Variants in PTOV1 observed in about 807,000 individuals in gnomAD.
PTOV1 encodes the protein PTOV1 extended AT-hook containing adaptor protein.
Under a neutral mutation model 58.0 loss-of-function variants are expected in PTOV1, and 20 were observed. The observed-to-expected ratio is 0.34, with a 90% CI of 0.24 to 0.50. The LOEUF (loss-of-function observed/expected upper bound fraction) is 0.50, where lower values mean the gene tolerates loss of function less well. Among genes scored for constraint, PTOV1 ranks in the 20% least tolerant of loss-of-function variants. PTOV1 has a pLI of 0.98. For synonymous variants in PTOV1, 335 were observed against 234.2 expected, an observed-to-expected ratio of 1.43 and a Z score of -3.93; for missense variants, 593 against 565.4, an observed-to-expected ratio of 1.05 and a Z score of -0.50.
At chr19:49,857,760 G>A (rs1049167575) in exon 7 of PTOV1, 6 of 1,614,054 alleles carry the variant, frequency 3.7e-6, no homozygotes, top group African/African-American at 1.3e-5. Flanking sequence ...CTGGCATGGA[G>A]TGGTGTCATG....
exon 1 of PTOV1, chr19:49,851,305 C>G: frequency 3.8e-6 from 4 of 1,055,772 alleles, no homozygotes; most frequent in Non-Finnish European, 4.6e-6. Context: ...CGGCAGCTCC[C>G]CGCCCGCTCG....
Position 49,860,190 on chromosome 19 carries a change from T to G in PTOV1, c.1239+7T>G, listed in dbSNP as rs1264282117. ...GGAGCAACAGCAACGAGGGGTGAGGTGGCCGGCCTCCAGGGCTGCTCAGTC... is the reference window on the plus strand; with the variant it reads ...GGAGCAACAGCAACGAGGGGTGAGGGGGCCGGCCTCCAGGGCTGCTCAGTC... On this transcript the variant is annotated splice_region_variant and intron_variant, in intron 11 of 11. Transcript: ENST00000391842. The G allele has an allele frequency of 6.2e-7, 1 of 1,613,772 alleles. No individual in the cohort carries two copies. The highest frequency in any genetic ancestry group is 1.1e-5 in the South Asian group (1 of 91,064).
intron 1 of PTOV1, among the ~76,000 whole-genome samples, chr19:49,853,698 T>C (rs537502746): frequency 6.6e-6 from 1 of 152,296 alleles, no homozygotes; most frequent in African/African-American, 2.4e-5. Flanking sequence ...TGCTAGAACT[T>C]TCTCTTGGTG....
intron 6 of PTOV1, 130 bp downstream of exon 6, chr19:49,857,260 G>T: frequency 3.0e-6 from 4 of 1,318,590 alleles, no homozygotes; most frequent in Non-Finnish European, 4.2e-6. Flanking sequence ...AGGGGAGCCC[G>T]GAGGATGCCG....
At chr19:49,851,272 C>T in exon 1 of PTOV1, 1 of 1,087,148 alleles carries the variant, frequency 9.2e-7, no homozygotes, top group Non-Finnish European at 1.1e-6. Context: ...GTCGGTGGAG[C>T]CCGCAGCCCC....
intron 10 of PTOV1, 107 bp downstream of exon 10, chr19:49,858,760 C>T (rs1039450451): frequency 3.1e-6 from 3 of 963,376 alleles, no homozygotes; most frequent in African/African-American, 3.2e-5. Context: ...TGTCCCAGAC[C>T]AGCTGGGGAG....
In PTOV1 at chr19:49,857,990, C is replaced by CT. The variant is rs749548797; in HGVS notation, c.878+14dup. On this transcript the variant is annotated intron_variant, in intron 8 of 11. Transcript: ENST00000391842. ...AGGGGGAGATCCTGTGAGTGCTGGGCTGGGGGGTGGAGGCAGCATCCAGGG... is the reference window on the plus strand; with the variant it reads ...AGGGGGAGATCCTGTGAGTGCTGGGCTTGGGGGGTGGAGGCAGCATCCAGGG... 1.9e-6 allele frequency: 3 copies of CT among 1,612,794 alleles called. No homozygotes were observed. Among genetic ancestry groups the CT allele is most frequent in the Non-Finnish European group, 1.7e-6 (2 of 1,179,304 alleles).
intron 11 of PTOV1, 34 bp from the exon 12 acceptor site, chr19:49,860,234 C>T (rs376877571): frequency 6.2e-7 from 1 of 1,613,698 alleles, no homozygotes; most frequent in Non-Finnish European, 8.5e-7. Flanking sequence ...CCCCCGCTGC[C>T]TGCTCACCAC....
exon 1 of PTOV1, chr19:49,851,207 T>G (rs2074228901): frequency 8.3e-7 from 1 of 1,198,390 alleles, no homozygotes; most frequent in South Asian, 3.4e-5. Flanking sequence ...CCCCCGAGCT[T>G]GGTACGGCTC....
chr19:49,859,520 T>C (rs921333093), intron 10 of PTOV1, among the ~76,000 whole-genome samples: 3 of 150,980 alleles, frequency 2.0e-5, no homozygotes, highest in Admixed American at 1.3e-4. Context: ...TGCAGTGAGC[T>C]GAGATCATGC....
At chr19:49,858,034 C>CCT in intron 8 of PTOV1, 23 bp from the exon 9 acceptor site, 1 of 1,613,862 alleles carries the variant, frequency 6.2e-7, no homozygotes, top group Non-Finnish European at 8.5e-7. Context: ...GCTTCCTGAC[C>CCT]CTCGTCCCTT....
chr19:49,858,307 T>C (rs2074572712), intron 9 of PTOV1, 193 bp downstream of exon 9: 1 of 793,062 alleles, frequency 1.3e-6, no homozygotes, highest in Non-Finnish European at 2.0e-6. Flanking sequence ...CTGGTGGCTG[T>C]GCAGGGACTG....
rs527333235 is a variant in PTOV1, at chr19:49,860,561, G to A, written c.*282G>A. The A allele has an allele frequency of 2.2e-4, 129 of 578,364 alleles. 1 individual carries two copies. Among genetic ancestry groups the A allele is most frequent in the African/African-American group, 2.0e-3 (108 of 53,660 alleles). 35.8% of individuals were successfully genotyped at this position (578,364 alleles called of 1,614,324 possible). A position where few individuals can be genotyped will look rare whatever the true frequency, so the allele number is the denominator to read the frequency against. On this transcript the variant is annotated 3_prime_UTR_variant, in exon 12 of 12. Transcript: ENST00000391842. The stretch of plus-strand genomic sequence containing the variant: ...AGGCCTCTGCTCACAGGGATGTGGG[G>A]TCAGTGCTTGGGAGCCTGTGGCCAG...
At chr19:49,857,942 G>A in exon 8 of PTOV1, 1 of 1,613,824 alleles carries the variant, frequency 6.2e-7, no homozygotes. Flanking sequence ...AGAGGTGGCT[G>A]CCATCCCACG....
intron 10 of PTOV1, 67 bp from the exon 11 acceptor site, chr19:49,859,919 T>C: frequency 1.3e-6 from 2 of 1,552,366 alleles, no homozygotes; most frequent in Non-Finnish European, 8.9e-7. Flanking sequence ...CACGGCATGA[T>C]GCCGTGGTTG....
chr19:49,857,152 C>T (rs1334945717), intron 6 of PTOV1, 22 bp downstream of exon 6: 1 of 1,613,660 alleles, frequency 6.2e-7, no homozygotes, highest in Non-Finnish European at 8.5e-7. Flanking sequence ...AAGCACAGCC[C>T]CTCTGGGGAC....
intron 10 of PTOV1, among the ~76,000 whole-genome samples, chr19:49,859,714 G>T (rs1600403122): frequency 6.6e-6 from 1 of 152,224 alleles, no homozygotes; most frequent in Non-Finnish European, 1.5e-5. Context: ...GCTGTGGTGA[G>T]GTGGCCCCAG....
intron 3 of PTOV1, 39 bp downstream of exon 3, chr19:49,854,773 G>C (rs373959297): frequency 3.2e-5 from 52 of 1,613,054 alleles, no homozygotes; most frequent in Non-Finnish European, 4.3e-5. Context: ...GGTGGCAGGG[G>C]CAGTGGCTGT....
exon 6 of PTOV1, chr19:49,857,130 G>T (rs1220182880): frequency 6.2e-7 from 1 of 1,613,920 alleles, no homozygotes; most frequent in African/African-American, 1.3e-5. Flanking sequence ...CCCGCAAGCA[G>T]GTGTGCCAGC....
Sources: gnomAD v4.1 joint callset for allele counts (sites outside exome capture counted in the v4.1 genomes callset) on GRCh38, gnomAD v4.1.1 for gene constraint, MANE v1.5 for transcripts, NCBI Gene and HGNC (gene_info 2026-07-23, HGNC 2026-07-21) for gene names.